TTYH1: variants seen among roughly 807,000 people sequenced by gnomAD.
The protein encoded by TTYH1 is protein tweety homolog 1.
TTYH1 carries 33 observed loss-of-function variants against 61.2 expected under a neutral mutation model. That is an observed-to-expected ratio of 0.54 (90% confidence interval 0.41 to 0.72). TTYH1 has a LOEUF of 0.72. TTYH1 is among the 30% of genes least tolerant of loss of function. The pLI is 0.00. For missense variants in TTYH1, 538 were observed against 575.8 expected (o/e 0.93, Z 0.67); for synonymous variants, 308 against 266.4 (o/e 1.16, Z -1.52).
At position 54,419,417 on chromosome 19, in the gene TTYH1, A is replaced by G; in HGVS notation, c.305+111A>G. 1 of 1,185,540 alleles carries G rather than the reference A, an allele frequency of 8.4e-7. No homozygotes were observed. The highest frequency in any genetic ancestry group is 1.2e-6 in the Non-Finnish European group (1 of 826,790). The allele number at this position is 1,185,540 out of a possible 1,614,324, so 73.4% of individuals were successfully genotyped here. ...ATGGAGGAAGCAGACAGGAAGGAGG[A>G]AACTCCCTCGTCCCTGTCCCTGCCA... On this transcript the variant is annotated intron_variant, in intron 2 of 13. Coordinates refer to ENST00000376530, the MANE Select transcript of TTYH1 (RefSeq NM_020659.4). The surrounding 1 kb of genome is among the most constrained non-coding windows in gnomAD (Gnocchi z 6.1).
At chr19:54,423,958 C>T (rs1438467335) in intron 4 of TTYH1, among the ~76,000 whole-genome samples, 4 of 151,996 alleles carry the variant, frequency 2.6e-5, no homozygotes, top group South Asian at 2.1e-4. Context: ...GTCAAGAGAT[C>T]GAGACCATCC....
chr19:54,422,139 G>T, intron 3 of TTYH1, 51 bp from the exon 4 acceptor site: 1 of 1,473,152 alleles, frequency 6.8e-7, no homozygotes, highest in Non-Finnish European at 9.2e-7. Flanking sequence ...CCTCGACCGC[G>T]GGCTCCCCCC....
Position 54,419,421 on chromosome 19 carries a change from T to C in TTYH1, c.305+115T>C, listed in dbSNP as rs118137187. ...AGGAAGCAGACAGGAAGGAGGAAACTCCCTCGTCCCTGTCCCTGCCATTTG... is the reference window on the plus strand; with the variant it reads ...AGGAAGCAGACAGGAAGGAGGAAACCCCCTCGTCCCTGTCCCTGCCATTTG... On this transcript the variant is annotated intron_variant, in intron 2 of 13. Coordinates refer to ENST00000376530, the MANE Select transcript of TTYH1 (RefSeq NM_020659.4). The surrounding 1 kb of genome is among the most constrained non-coding windows in gnomAD (Gnocchi z 6.1). The C allele has an allele frequency of 9.1e-3, 10,164 of 1,121,658 alleles. 78 individuals carry two copies. The highest frequency in any genetic ancestry group is 0.048 in the Middle Eastern group (234 of 4,846). The allele number at this position is 1,121,658 out of a possible 1,614,324, so 69.5% of individuals were successfully genotyped here. A position where few individuals can be genotyped will look rare whatever the true frequency, so the allele number is the denominator to read the frequency against.
Position 54,416,853 on chromosome 19 carries a change from C to A in TTYH1, c.126+1175C>A. The A allele has an allele frequency of 7.7e-7, 1 of 1,292,882 alleles. No homozygotes were observed. Among genetic ancestry groups the A allele is most frequent in the South Asian group, 1.2e-5 (1 of 80,976 alleles). The allele number at this position is 1,292,882 out of a possible 1,614,324, so 80.1% of individuals were successfully genotyped here. ...CCACCGGCTCCGGCCTCGGCCCAGACTCACGCCCGCTCTGGCCCGGAGACC... is the reference window on the plus strand; with the variant it reads ...CCACCGGCTCCGGCCTCGGCCCAGAATCACGCCCGCTCTGGCCCGGAGACC... On this transcript the variant is annotated intron_variant, in intron 1 of 13. Transcript: ENST00000376530. The surrounding 1 kb of genome is among the most constrained non-coding windows in gnomAD (Gnocchi z 7.0).
At position 54,429,784 on chromosome 19, in the gene TTYH1, G is replaced by C; in HGVS notation, c.808-98G>C. 9.5e-7 allele frequency: 1 copy of C among 1,050,516 alleles called. No homozygotes were observed. The highest frequency in any genetic ancestry group is 1.6e-5 in the African/African-American group (1 of 63,868). The allele number at this position is 1,050,516 out of a possible 1,614,324, so 65.1% of individuals were successfully genotyped here. The stretch of plus-strand genomic sequence containing the variant: ...AGAGGGGCTGGGACCTGGACCCCTG[G>C]GTGGGGAGGGGAGCTGGGGAGCCAG... On this transcript the variant is annotated intron_variant, in intron 6 of 13. Transcript: ENST00000376530. This position sits in a 1 kb window ranked among gnomAD's most constrained non-coding sequence, Gnocchi z 5.1.
intron 4 of TTYH1, among the ~76,000 whole-genome samples, chr19:54,424,350 T>C (rs1477215901): frequency 6.6e-6 from 1 of 152,166 alleles, no homozygotes; most frequent in African/African-American, 2.4e-5. Flanking sequence ...CATTCATTCA[T>C]TCATTCATTT....
At chr19:54,424,869 G>A (rs1196743545) in intron 4 of TTYH1, among the ~76,000 whole-genome samples, 5 of 152,160 alleles carry the variant, frequency 3.3e-5, no homozygotes, top group Admixed American at 1.3e-4. Context: ...CACTTACTAC[G>A]TGCCGGGCAC....
chr19:54,427,401 C>G (rs576741058), intron 5 of TTYH1, among the ~76,000 whole-genome samples: 1 of 144,610 alleles, frequency 6.9e-6, no homozygotes, highest in African/African-American at 2.6e-5. Context: ...GTCAGGAGTT[C>G]GAGACCATCC....
intron 10 of TTYH1, chr19:54,435,051 A>C: frequency 6.4e-6 from 1 of 156,648 alleles, no homozygotes. Context: ...CCCTGGACCA[A>C]GGCGGAGCTG....
At chr19:54,426,977 G>A (rs1349642961) in intron 5 of TTYH1, among the ~76,000 whole-genome samples, 1 of 152,078 alleles carries the variant, frequency 6.6e-6, no homozygotes, top group Non-Finnish European at 1.5e-5. Context: ...TGGAATCATG[G>A]CAGAAATAAT....
chr19:54,431,275 C>T (rs1323714365), intron 10 of TTYH1, 84 bp downstream of exon 10: 5 of 914,872 alleles, frequency 5.5e-6, no homozygotes, highest in South Asian at 2.7e-5. Flanking sequence ...TCTCCTTGGA[C>T]CCCTGCCATT....
In TTYH1 at chr19:54,435,818, C is replaced by G. The variant is rs781574306; in HGVS notation, c.1269-10C>G. ...CCCGCCTCTCTGCCATGCCCCGCAT[C>G]AAACCCCAGTGACGACTACGATGAC... On this transcript the variant is annotated splice_polypyrimidine_tract_variant and intron_variant, in intron 11 of 13. Coordinates refer to ENST00000376530, the MANE Select transcript of TTYH1 (RefSeq NM_020659.4). 1 of 1,613,888 alleles carries G rather than the reference C, an allele frequency of 6.2e-7. No homozygotes were observed. Among genetic ancestry groups the G allele is most frequent in the Non-Finnish European group, 8.5e-7 (1 of 1,179,970 alleles).
Position 54,421,208 on chromosome 19 carries a change from G to C in TTYH1, c.306-69G>C. The C allele has an allele frequency of 2.0e-6, 2 of 990,562 alleles. No individual in the cohort carries two copies. The highest frequency in any genetic ancestry group is 2.6e-5 in the South Asian group (2 of 76,668). 61.4% of individuals were successfully genotyped at this position (990,562 alleles called of 1,614,324 possible). ...AAGAAGGCGAGGTGGAGGGGATGGGGTGGGAGGGGACGGTGGCCCCCGGGG... is the reference window on the plus strand; with the variant it reads ...AAGAAGGCGAGGTGGAGGGGATGGGCTGGGAGGGGACGGTGGCCCCCGGGG... On this transcript the variant is annotated intron_variant, in intron 2 of 13. Coordinates refer to ENST00000376530, the MANE Select transcript of TTYH1 (RefSeq NM_020659.4). The surrounding 1 kb of genome is among the most constrained non-coding windows in gnomAD (Gnocchi z 4.8).
intron 4 of TTYH1, among the ~76,000 whole-genome samples, chr19:54,423,174 T>A (rs1247186261): frequency 6.6e-6 from 1 of 151,642 alleles, no homozygotes; most frequent in Non-Finnish European, 1.5e-5. Context: ...TTCATCCGTG[T>A]GACATGTGTA....
Position 54,416,073 on chromosome 19 carries a change from A to G in TTYH1, c.126+395A>G, listed in dbSNP as rs2045418587. 2 of 1,306,366 alleles carry G rather than the reference A, an allele frequency of 1.5e-6. No homozygotes were observed. The highest frequency in any genetic ancestry group is 1.5e-5 in the African/African-American group (1 of 65,976). The allele number at this position is 1,306,366 out of a possible 1,614,324, so 80.9% of individuals were successfully genotyped here. On this transcript the variant is annotated intron_variant, in intron 1 of 13. Transcript: ENST00000376530. This position sits in a 1 kb window ranked among gnomAD's most constrained non-coding sequence, Gnocchi z 7.0. ...CCCCACAGGATCAGAGCAGGTGAAT[A>G]TGTCCCAGATAAGGTGGGACCCAGG...
rs1486735499 is a variant in TTYH1 at position 54,416,809 on chromosome 19, C to A, written c.126+1131C>A. 4 of 1,294,020 alleles carry A rather than the reference C, an allele frequency of 3.1e-6. No individual in the cohort carries two copies. The highest frequency in any genetic ancestry group is 2.3e-5 in the Admixed American group (1 of 43,522). The allele number at this position is 1,294,020 out of a possible 1,614,324, so 80.2% of individuals were successfully genotyped here. The stretch of plus-strand genomic sequence containing the variant: ...CACAGCCTCGCGGTTACACAACGGC[C>A]ACCTCCAACAACGCCGCTCCACCGG... On this transcript the variant is annotated intron_variant, in intron 1 of 13. Transcript: ENST00000376530. This position sits in a 1 kb window ranked among gnomAD's most constrained non-coding sequence, Gnocchi z 7.0.
Position 54,429,851 on chromosome 19 carries a change from G to A in TTYH1, c.808-31G>A. ...GAGTGTGGAATCGGGGCAGTTTTGG[G>A]TTTGAGCCCCTTTTCTGCTGCCTCA... On this transcript the variant is annotated intron_variant, in intron 6 of 13. Transcript: ENST00000376530. This position sits in a 1 kb window ranked among gnomAD's most constrained non-coding sequence, Gnocchi z 5.1. 6.2e-7 allele frequency: 1 copy of A among 1,608,866 alleles called. No individual in the cohort carries two copies. The highest frequency in any genetic ancestry group is 8.5e-7 in the Non-Finnish European group (1 of 1,175,966).
chr19:54,428,216 A>G (rs771535025), intron 5 of TTYH1, among the ~76,000 whole-genome samples: 14 of 149,856 alleles, frequency 9.3e-5, no homozygotes, highest in East Asian at 2.0e-4. Flanking sequence ...CAGCCTCCCA[A>G]GTAGCTGGGA....
At position 54,426,660 on chromosome 19, in the gene TTYH1, T is replaced by G. The variant is rs1463421051; in HGVS notation, c.639-13T>G. ...CAGGTTTGTGGTTTCAGCCCTACCC[T>G]CTCCCCTCCCAGGTGGCTGGCCTAC... On this transcript the variant is annotated splice_polypyrimidine_tract_variant and intron_variant, in intron 4 of 13. Coordinates refer to ENST00000376530, the MANE Select transcript of TTYH1 (RefSeq NM_020659.4). 1 of 1,611,832 alleles carries G rather than the reference T, an allele frequency of 6.2e-7. No individual in the cohort carries two copies. Among genetic ancestry groups the G allele is most frequent in the Non-Finnish European group, 8.5e-7 (1 of 1,178,488 alleles).
Sources: gnomAD v4.1 joint callset for allele counts (sites outside exome capture counted in the v4.1 genomes callset) on GRCh38, gnomAD v4.1.1 for gene constraint, Gnocchi (gnomAD v3.1) non-coding constraint, MANE v1.5 for transcripts, NCBI Gene and HGNC (gene_info 2026-07-23, HGNC 2026-07-21) for gene names.